Variants in TRAK2 observed in about 807,000 individuals in gnomAD.
TRAK2 encodes trafficking kinesin protein 2.
A neutral mutation model predicts 104.6 loss-of-function variants in TRAK2; 81 were observed. That is an observed-to-expected ratio of 0.77 (90% confidence interval 0.65 to 0.93). The LOEUF (loss-of-function observed/expected upper bound fraction) is 0.93. Among genes scored for constraint, TRAK2 ranks in the 40% least tolerant of loss-of-function variants. The pLI is 0.00. For synonymous variants in TRAK2, 406 were observed against 394.4 expected (o/e 1.03, Z -0.35); for missense variants, 1,002 against 1,089.0 (o/e 0.92, Z 1.12).
chr2:201,398,105 C>G (rs1951518342), intron 6 of TRAK2, 40 bp downstream of exon 6: 1 of 1,582,334 alleles, frequency 6.3e-7, no homozygotes, highest in Admixed American at 1.7e-5. Flanking sequence ...AACTTTATAG[C>G]CTTTAAAGTA....
intron 9 of TRAK2, among the ~76,000 whole-genome samples, chr2:201,393,498 C>T (rs11680694): frequency 0.58 from 87,594 of 151,964 alleles, 26,362 homozygotes; most frequent in South Asian, 0.68. Context: ...ACAAGTAGAT[C>T]TTCGTGCCTT....
Position 201,393,041 on chromosome 2 carries a change from G to A in TRAK2, c.981C>T (p.His327=), listed in dbSNP as rs773943193. The A allele has an allele frequency of 1.6e-5, 26 of 1,608,394 alleles. No homozygotes were observed. Among genetic ancestry groups the A allele is most frequent in the East Asian group, 1.3e-4 (6 of 44,806 alleles). ...ACTCCATATTCCTGTCTTGTAACTC[G>A]TGCAGCTAAAAGAAAGGATGGTAGT... The part of the protein sequence containing the change: ...DAQRQLTMEL[H]ELQDRNMECL... The change falls in exon 10 of 16, where the codon CAC becomes CAT. Residue 327 remains histidine (H), a synonymous_variant. Transcript: ENST00000332624.
chr2:201,381,878 CAT>C (rs1576502323), intron 15 of TRAK2, among the ~76,000 whole-genome samples: 2 of 152,036 alleles, frequency 1.3e-5, no homozygotes, highest in South Asian at 2.1e-4. Context: ...TGACCTGAAA[CAT>C]GTGTTTTTAG....
intron 2 of TRAK2, chr2:201,410,668 A>T (rs957197875): frequency 1.5e-6 from 2 of 1,307,748 alleles, no homozygotes; most frequent in Admixed American, 3.4e-5. Flanking sequence ...AGATTGTCCT[A>T]TCATGTTCAT....
chr2:201,444,230 AAATAAT>A lies in TRAK2; in HGVS notation c.-200+7114_-200+7119del, dbSNP rs869091571. Among the ~76,000 whole-genome samples the A allele has an allele frequency of 6.0e-4, 91 of 151,974 alleles. 1 individual carries two copies. The highest frequency in any genetic ancestry group is 2.0e-3 in the African/African-American group (85 of 41,494). On this transcript the variant is annotated intron_variant, in intron 1 of 15. Transcript: ENST00000332624. ...AAATAAATAATAAAATAAAAATAAA[AAATAAT>A]AATAATACTTAAAAAATCCAAAGGT...
At chr2:201,420,104 T>C (rs1951726945) in intron 2 of TRAK2, among the ~76,000 whole-genome samples, 1 of 152,202 alleles carries the variant, frequency 6.6e-6, no homozygotes, top group Non-Finnish European at 1.5e-5. Flanking sequence ...GTTAGGTACC[T>C]GCAGGGTATA....
intron 2 of TRAK2, among the ~76,000 whole-genome samples, chr2:201,416,226 T>A (rs1384920309): frequency 6.6e-5 from 6 of 90,862 alleles, no homozygotes; most frequent in Admixed American, 1.3e-4. Flanking sequence ...GACTCTACAT[T>A]AAAAAAAAAA....
intron 2 of TRAK2, among the ~76,000 whole-genome samples, chr2:201,416,289 C>A (rs1343024474): frequency 1.3e-5 from 2 of 150,222 alleles, no homozygotes; most frequent in Non-Finnish European, 3.0e-5. Flanking sequence ...GCCTGTGGTC[C>A]AAGCTACTCA....
rs193280701 is a variant in TRAK2, at chr2:201,389,741, T to C, written c.1193+60A>G. ...TCGTAATACTTGCCACTTTGGATTGTGGCTTCTTTTTAATTTCTATTCCAA... is the reference window on the plus strand; with the variant it reads ...TCGTAATACTTGCCACTTTGGATTGCGGCTTCTTTTTAATTTCTATTCCAA... On this transcript the variant is annotated intron_variant, in intron 11 of 15. Coordinates refer to ENST00000332624, the MANE Select transcript of TRAK2 (RefSeq NM_015049.3). The C allele has an allele frequency of 3.4e-6, 5 of 1,449,798 alleles. No individual in the cohort carries two copies. The Admixed American group carries it at 1.0e-4, about 29-fold the overall frequency. 89.8% of individuals were successfully genotyped at this position (1,449,798 alleles called of 1,614,324 possible). A position where few individuals can be genotyped will look rare whatever the true frequency, so the allele number is the denominator to read the frequency against.
rs542661664 is a variant in TRAK2 at position 201,425,691 on chromosome 2, G to C, written c.-199-4985C>G. 4.6e-5 allele frequency among the ~76,000 whole-genome samples: 7 copies of C among 151,142 alleles called. No homozygotes were observed. The South Asian group carries it at 1.5e-3, about 32-fold the overall frequency. ...GCTGGGATTACAGGCATGAGCCACCGTGCCCCACTCCAGAAAGCATTGCTT... is the reference window on the plus strand; with the variant it reads ...GCTGGGATTACAGGCATGAGCCACCCTGCCCCACTCCAGAAAGCATTGCTT... On this transcript the variant is annotated intron_variant, in intron 1 of 15. Transcript: ENST00000332624.
intron 2 of TRAK2, among the ~76,000 whole-genome samples, chr2:201,409,260 G>A (rs985204955): frequency 3.3e-5 from 5 of 151,710 alleles, no homozygotes; most frequent in African/African-American, 1.2e-4. Flanking sequence ...ACACTGTGGA[G>A]GCACTCTATC....
chr2:201,427,264 G>C (rs139598325), intron 1 of TRAK2, among the ~76,000 whole-genome samples: 3,914 of 152,164 alleles, frequency 0.026, 174 homozygotes, highest in African/African-American at 0.09. Context: ...ATGTTGGTGT[G>C]CTGCACCCAT....
At chr2:201,398,875 C>T (rs10931944) in intron 5 of TRAK2, among the ~76,000 whole-genome samples, 86,655 of 151,870 alleles carry the variant, frequency 0.57, 25,995 homozygotes, top group South Asian at 0.68. Flanking sequence ...AAAATACAAA[C>T]GAAACCAGAT....
chr2:201,413,667 G>A lies in TRAK2; in HGVS notation c.92-6070C>T, dbSNP rs570392048. On this transcript the variant is annotated intron_variant, in intron 2 of 15. Coordinates refer to ENST00000332624, the MANE Select transcript of TRAK2 (RefSeq NM_015049.3). ...CCATCCAATCCTGCCTCCTAGATAA[G>A]GAAACTGAGACTTAAAGATGGGTAA... 2.0e-5 allele frequency among the ~76,000 whole-genome samples: 3 copies of A among 151,914 alleles called. No homozygotes were observed. The East Asian group carries it at 5.8e-4, about 29-fold the overall frequency.
At chr2:201,412,140 G>GAACAC in intron 2 of TRAK2, 1 of 1,015,214 alleles carries the variant, frequency 9.9e-7, no homozygotes, top group Non-Finnish European at 1.6e-6. Flanking sequence ...TCAACGATCA[G>GAACAC]TAGAACACTG....
At chr2:201,435,061 C>CT (rs999853377) in intron 1 of TRAK2, among the ~76,000 whole-genome samples, 3 of 152,074 alleles carry the variant, frequency 2.0e-5, no homozygotes, top group African/African-American at 7.2e-5. Flanking sequence ...TGATTTCTTT[C>CT]TTTTTTTTAA....
chr2:201,443,783 CT>C (rs1278090347), intron 1 of TRAK2, among the ~76,000 whole-genome samples: 1 of 152,210 alleles, frequency 6.6e-6, no homozygotes, highest in Non-Finnish European at 1.5e-5. Flanking sequence ...CCATCATCAT[CT>C]CTTAGACTAT....
chr2:201,415,144 T>C (rs1265636957), intron 2 of TRAK2, among the ~76,000 whole-genome samples: 1 of 152,028 alleles, frequency 6.6e-6, no homozygotes, highest in Non-Finnish European at 1.5e-5. Flanking sequence ...GATAATTAAA[T>C]CAGTGCTAGA....
At chr2:201,390,653 A>G (rs1329366089) in intron 10 of TRAK2, among the ~76,000 whole-genome samples, 1 of 151,964 alleles carries the variant, frequency 6.6e-6, no homozygotes, top group African/African-American at 2.4e-5. Context: ...AAAAAAAAGA[A>G]CAAGCAAGCT....
Sources: allele counts gnomAD v4.1 joint callset (sites outside exome capture counted in the v4.1 genomes callset), GRCh38; gene constraint gnomAD v4.1.1; transcripts MANE v1.5; gene names NCBI Gene and HGNC (gene_info 2026-07-23, HGNC 2026-07-21).